HS6ST3: variants seen among roughly 807,000 people sequenced by gnomAD.
The protein encoded by HS6ST3 is heparan-sulfate 6-O-sulfotransferase 3.
A neutral mutation model predicts 36.7 loss-of-function variants in HS6ST3; 12 were observed. The ratio of observed to expected loss-of-function variants is 0.33; its 90% CI spans 0.21 to 0.53. The LOEUF (loss-of-function observed/expected upper bound fraction) is 0.53, where lower values mean the gene tolerates loss of function less well. Among genes scored for constraint, HS6ST3 ranks in the 20% least tolerant of loss-of-function variants. The pLI, the probability that HS6ST3 is intolerant of heterozygous loss-of-function variation, is 0.95. For synonymous variants in HS6ST3, 240 were observed against 257.5 expected, an observed-to-expected ratio of 0.93 and a Z score of 0.65; for missense variants, 584 against 640.9, an observed-to-expected ratio of 0.91 and a Z score of 0.96.
intron 1 of HS6ST3, among the ~76,000 whole-genome samples, chr13:96,476,245 T>A (rs2138894330): frequency 6.6e-6 from 1 of 152,320 alleles, no homozygotes; most frequent in Middle Eastern, 3.4e-3. Flanking sequence ...GATAATTAGG[T>A]TAATTTTTTT....
At chr13:96,494,059 T>C (rs527252248) in intron 1 of HS6ST3, among the ~76,000 whole-genome samples, 1 of 152,244 alleles carries the variant, frequency 6.6e-6, no homozygotes, top group Non-Finnish European at 1.5e-5. Context: ...GAATAACCCC[T>C]GGAGCTTGCT....
chr13:96,678,007 T>C (rs1403728305), intron 1 of HS6ST3, among the ~76,000 whole-genome samples: 7 of 152,086 alleles, frequency 4.6e-5, no homozygotes, highest in African/African-American at 1.7e-4. Flanking sequence ...TTATAATCAA[T>C]AGAAATGTAT....
chr13:96,788,756 C>A (rs1439890151), intron 1 of HS6ST3, among the ~76,000 whole-genome samples: 1 of 151,774 alleles, frequency 6.6e-6, no homozygotes, highest in Non-Finnish European at 1.5e-5. Context: ...GGTGAATTGA[C>A]CCTCTTATTA....
intron 1 of HS6ST3, among the ~76,000 whole-genome samples, chr13:96,201,638 A>T (rs1039128538): frequency 6.6e-6 from 1 of 152,176 alleles, no homozygotes. Context: ...TGCCTAGAAG[A>T]ATTCTAAAGA....
intron 1 of HS6ST3, among the ~76,000 whole-genome samples, chr13:96,730,877 A>G (rs1349965676): frequency 1.3e-5 from 2 of 152,088 alleles, no homozygotes; most frequent in African/African-American, 2.4e-5. Flanking sequence ...GGTGACAGGA[A>G]CACACCACCA....
At chr13:96,817,919 A>T (rs539743516) in intron 1 of HS6ST3, among the ~76,000 whole-genome samples, 1 of 152,340 alleles carries the variant, frequency 6.6e-6, no homozygotes, top group South Asian at 2.1e-4. Context: ...TCATGTATTG[A>T]TTGCACAAAT....
At chr13:96,400,601 A>T (rs762525338) in intron 1 of HS6ST3, among the ~76,000 whole-genome samples, 29 of 152,148 alleles carry the variant, frequency 1.9e-4, no homozygotes, top group Non-Finnish European at 3.8e-4. Flanking sequence ...ACCTTTGAAC[A>T]GGAGCATATC....
chr13:96,739,224 T>TGTGTGTGA lies in HS6ST3; in HGVS notation c.708-93259_708-93258insAGTGTGTG, dbSNP rs1460161191. Among the ~76,000 whole-genome samples the TGTGTGTGA allele has an allele frequency of 2.2e-3, 80 of 37,018 alleles. 2 individuals are homozygous for TGTGTGTGA. Among genetic ancestry groups the TGTGTGTGA allele is most frequent in the South Asian group, 7.6e-3 (7 of 926 alleles). 24.3% of individuals were successfully genotyped at this position (37,018 alleles called of 152,430 possible). A position where few individuals can be genotyped will look rare whatever the true frequency, so the allele number is the denominator to read the frequency against. On this transcript the variant is annotated intron_variant, in intron 1 of 1. Transcript: ENST00000376705. ...TGTTCTCTATCGACATTTGCTTGTGTGTGTGTGTGTGTGTGTGTGTGTGTG... is the reference window on the plus strand; with the variant it reads ...TGTTCTCTATCGACATTTGCTTGTGTGTGTGTGAGTGTGTGTGTGTGTGTGTGTGTGTG...
intron 1 of HS6ST3, among the ~76,000 whole-genome samples, chr13:96,824,333 A>G (rs1878605054): frequency 1.3e-5 from 2 of 152,196 alleles, no homozygotes; most frequent in African/African-American, 4.8e-5. Context: ...TGTTGCGGAC[A>G]CCCTCGGAAC....
intron 1 of HS6ST3, among the ~76,000 whole-genome samples, chr13:96,363,966 C>T (rs1222652964): frequency 6.6e-6 from 1 of 152,068 alleles, no homozygotes; most frequent in Non-Finnish European, 1.5e-5. Flanking sequence ...AAGAAAAATA[C>T]ACCTTTACAA....
intron 1 of HS6ST3, among the ~76,000 whole-genome samples, chr13:96,261,201 A>G (rs1467667652): frequency 1.3e-5 from 2 of 151,800 alleles, no homozygotes; most frequent in Non-Finnish European, 2.9e-5. Flanking sequence ...TTAATAACAT[A>G]TAATAGGAAC....
chr13:96,601,247 C>T (rs1007531241), intron 1 of HS6ST3, among the ~76,000 whole-genome samples: 4 of 152,062 alleles, frequency 2.6e-5, no homozygotes, highest in Admixed American at 2.6e-4. Context: ...TCAATTATTC[C>T]CTCAAATAGT....
intron 1 of HS6ST3, among the ~76,000 whole-genome samples, chr13:96,526,444 T>A (rs1177214583): frequency 6.6e-6 from 1 of 152,130 alleles, no homozygotes; most frequent in Non-Finnish European, 1.5e-5. Context: ...GATCCAGCAG[T>A]GTTAGTTAAG....
At chr13:96,265,269 G>A (rs1434458397) in intron 1 of HS6ST3, among the ~76,000 whole-genome samples, 1 of 151,846 alleles carries the variant, frequency 6.6e-6, no homozygotes, top group East Asian at 1.9e-4. Context: ...TCAAACTCCT[G>A]GCTCAAGTGA....
At chr13:96,168,804 T>C (rs557652934) in intron 1 of HS6ST3, among the ~76,000 whole-genome samples, 1 of 152,284 alleles carries the variant, frequency 6.6e-6, no homozygotes, top group Non-Finnish European at 1.5e-5. Flanking sequence ...TCAGGGTACA[T>C]GTGCAGATTT....
At chr13:96,164,947 G>T (rs1249257630) in intron 1 of HS6ST3, among the ~76,000 whole-genome samples, 1 of 151,956 alleles carries the variant, frequency 6.6e-6, no homozygotes, top group Non-Finnish European at 1.5e-5. Flanking sequence ...CTTTCTTTCT[G>T]ATTCAGTGGA....
At chr13:96,296,111 A>G (rs191438317) in intron 1 of HS6ST3, among the ~76,000 whole-genome samples, 4 of 152,298 alleles carry the variant, frequency 2.6e-5, no homozygotes, top group Non-Finnish European at 5.9e-5. Context: ...CCACATTTCA[A>G]GTGCTCCACG....
intron 1 of HS6ST3, among the ~76,000 whole-genome samples, chr13:96,116,682 C>G (rs1206013703): frequency 6.6e-6 from 1 of 152,202 alleles, no homozygotes. Flanking sequence ...TGATAGTTCA[C>G]TCATTATAGC....
At chr13:96,745,307 G>A (rs1876536431) in intron 1 of HS6ST3, among the ~76,000 whole-genome samples, 1 of 152,016 alleles carries the variant, frequency 6.6e-6, no homozygotes, top group African/African-American at 2.4e-5. Flanking sequence ...CCCAAACTAT[G>A]GAGGAATTAG....
Sources: gnomAD v4.1 joint callset for allele counts (sites outside exome capture counted in the v4.1 genomes callset) on GRCh38, gnomAD v4.1.1 for gene constraint, MANE v1.5 for transcripts, NCBI Gene and HGNC (gene_info 2026-07-23, HGNC 2026-07-21) for gene names.